Variants in ABCB9 observed in about 807,000 individuals in gnomAD.
ABCB9 encodes the protein ATP binding cassette subfamily B member 9, also known as ABC-type oligopeptide transporter ABCB9.
A neutral mutation model predicts 62.0 loss-of-function variants in ABCB9; 36 were observed. The observed-to-expected ratio is 0.58, with a 90% CI of 0.45 to 0.77. ABCB9 has a LOEUF of 0.77. Among genes scored for constraint, ABCB9 ranks in the 30% least tolerant of loss-of-function variants. The pLI is 0.00. For synonymous variants in ABCB9, 435 were observed against 461.4 expected (o/e 0.94, Z 0.73); for missense variants, 943 against 1,054.7 (o/e 0.89, Z 1.47).
Position 122,922,553 on chromosome 12 carries a change from T to C in ABCB9, c.2041-1510A>G, listed in dbSNP as rs200937278. On this transcript the variant is annotated intron_variant, in intron 11 of 11. Coordinates refer to the ABCB9 transcript ENST00000344275. ...TGCCACCACGCCCGGCTAATTTTTG[T>C]ATTTTTAGTAGAGATGGGTTTTGCC... 5.9e-5 allele frequency among the ~76,000 whole-genome samples: 9 copies of C among 152,258 alleles called. No homozygotes were observed. In the East Asian group the frequency reaches 1.7e-3, roughly 30 times the overall value.
chr12:122,967,327 C>T (rs1033715758), upstream of ABCB9, among the ~76,000 whole-genome samples: 1 of 152,230 alleles, frequency 6.6e-6, no homozygotes, highest in Non-Finnish European at 1.5e-5. Flanking sequence ...GAACATCCTA[C>T]GCTAAGGCCT....
rs544379810 is a variant in ABCB9 at position 122,930,210 on chromosome 12, C to T, written c.2041-39G>A. The T allele has an allele frequency of 2.5e-5, 37 of 1,502,002 alleles. No individual in the cohort carries two copies. Among genetic ancestry groups the T allele is most frequent in the South Asian group, 3.8e-5 (3 of 79,046 alleles). 93.0% of individuals were successfully genotyped at this position (1,502,002 alleles called of 1,614,324 possible). A position where few individuals can be genotyped will look rare whatever the true frequency, so the allele number is the denominator to read the frequency against. Reference sequence around the variant, plus strand: ...GGGGGCCTGGCTTGCATGGCACGGACGCCCCACCCGCAACCGTGCTTCATG... The same window carrying T: ...GGGGGCCTGGCTTGCATGGCACGGATGCCCCACCCGCAACCGTGCTTCATG... On this transcript the variant is annotated intron_variant, in intron 11 of 11. Transcript: ENST00000280560. This position sits in a 1 kb window ranked among gnomAD's most constrained non-coding sequence, Gnocchi z 4.9.
chr12:122,952,116 G>T lies in ABCB9; in HGVS notation c.602-1551C>A. On this transcript the variant is annotated intron_variant, in intron 2 of 11. Transcript: ENST00000280560. Reference sequence around the variant, plus strand: ...CTTGGAAGCAGAGAGTGGCCCTCACGACACCAAACCTGCTGGCACCTTGAT... The same window carrying T: ...CTTGGAAGCAGAGAGTGGCCCTCACTACACCAAACCTGCTGGCACCTTGAT... 5 of 153,288 alleles carry T rather than the reference G, an allele frequency of 3.3e-5. No individual in the cohort carries two copies. The South Asian group carries it at 9.3e-4, about 28-fold the overall frequency. The allele number at this position is 153,288 out of a possible 1,614,324, so 9.5% of individuals were successfully genotyped here. A position where few individuals can be genotyped will look rare whatever the true frequency, so the allele number is the denominator to read the frequency against.
At chr12:122,919,132 G>A (rs1242887327), downstream of ABCB9, among the ~76,000 whole-genome samples, 1 of 152,066 alleles carries the variant, frequency 6.6e-6, no homozygotes, top group Admixed American at 6.6e-5. Flanking sequence ...TTTGCAGTTT[G>A]TTTATCCATT....
rs1594040511 is a variant in ABCB9, at chr12:122,950,064, C to T, written c.717-146G>A. The T allele has an allele frequency of 7.2e-5, 79 of 1,099,230 alleles. 2 individuals carry two copies. In the South Asian group the frequency reaches 9.6e-4, roughly 13 times the overall value. The allele number at this position is 1,099,230 out of a possible 1,614,324, so 68.1% of individuals were successfully genotyped here. A position where few individuals can be genotyped will look rare whatever the true frequency, so the allele number is the denominator to read the frequency against. On this transcript the variant is annotated intron_variant, in intron 3 of 11. Transcript: ENST00000280560. The stretch of plus-strand genomic sequence containing the variant: ...CATCCCTGCGGGGTCCCCCTCATTC[C>T]CAGTGGGAGCCCCCCTCAAGGTGAG...
At chr12:122,950,646 A>G (rs574874603) in intron 2 of ABCB9, 81 bp from the exon 3 acceptor site, 2 of 1,123,934 alleles carry the variant, frequency 1.8e-6, no homozygotes, top group Admixed American at 2.1e-5. Context: ...AGAAGTCCAC[A>G]CACCAACCCC....
chr12:122,936,990 G>C (rs985716609), intron 9 of ABCB9, among the ~76,000 whole-genome samples: 13 of 152,196 alleles, frequency 8.5e-5, no homozygotes, highest in African/African-American at 3.1e-4. Context: ...CTTGAGCCCA[G>C]GAGGTCGTGG....
intron 10 of ABCB9, among the ~76,000 whole-genome samples, chr12:122,934,680 A>C (rs995254988): frequency 5.9e-5 from 9 of 151,382 alleles, no homozygotes; most frequent in Non-Finnish European, 1.3e-4. Context: ...AAATATATAA[A>C]ACTCTAAATA....
intron 2 of ABCB9, among the ~76,000 whole-genome samples, chr12:122,954,287 C>G (rs1235015935): frequency 6.6e-6 from 1 of 152,174 alleles, no homozygotes; most frequent in East Asian, 1.9e-4. Context: ...CCACTCACAG[C>G]AACCTCTGCC....
intron 2 of ABCB9, chr12:122,952,077 C>T (rs565789299): frequency 6.5e-6 from 1 of 153,172 alleles, no homozygotes; most frequent in East Asian, 1.9e-4. Context: ...GAGGACACAG[C>T]AAGGAGGGAC....
Position 122,944,915 on chromosome 12 carries a change from TG to T in ABCB9, c.1252-397del, listed in dbSNP as rs1412462085. 6.6e-6 allele frequency among the ~76,000 whole-genome samples: 1 copy of T among 152,188 alleles called. No individual in the cohort carries two copies. The highest frequency in any genetic ancestry group is 1.9e-4 in the East Asian group (1 of 5,194). On this transcript the variant is annotated intron_variant, in intron 6 of 11. Transcript: ENST00000280560. The surrounding 1 kb of genome is among the most constrained non-coding windows in gnomAD (Gnocchi z 4.9). ...GTGAGCTCTCTGTCTCCTCCCCCAG[TG>T]GGGTTCCGTGAAGAAGGGGCTGTGA...
intron 9 of ABCB9, among the ~76,000 whole-genome samples, chr12:122,935,747 T>C (rs569360070): frequency 7.2e-5 from 11 of 152,246 alleles, no homozygotes; most frequent in African/African-American, 2.2e-4. Context: ...AGGGATAGAA[T>C]ATAGAATGTT....
At chr12:122,943,457 G>C (rs543348358) in intron 7 of ABCB9, among the ~76,000 whole-genome samples, 4 of 152,170 alleles carry the variant, frequency 2.6e-5, no homozygotes, top group Admixed American at 6.6e-5. Flanking sequence ...AGTCAGGCCC[G>C]GCTGGCCCTG....
intron 11 of ABCB9, among the ~76,000 whole-genome samples, chr12:122,923,589 A>G (rs2034811599): frequency 6.6e-6 from 1 of 152,078 alleles, no homozygotes; most frequent in Admixed American, 6.6e-5. Context: ...GCGCCCAGCC[A>G]CACTGATACT....
downstream of ABCB9, among the ~76,000 whole-genome samples, chr12:122,928,803 G>T (rs2034984459): frequency 6.6e-6 from 1 of 152,136 alleles, no homozygotes; most frequent in Non-Finnish European, 1.5e-5. Context: ...GAGACAGGCA[G>T]ACAGGAATGT....
chr12:122,924,219 TG>T (rs1247149450), downstream of ABCB9, among the ~76,000 whole-genome samples: 4 of 152,206 alleles, frequency 2.6e-5, no homozygotes, highest in Admixed American at 2.6e-4. Flanking sequence ...GTTCCAGCCT[TG>T]GCCATTCTGC....
chr12:122,938,483 G>A (rs2035569637), intron 9 of ABCB9, among the ~76,000 whole-genome samples: 3 of 152,076 alleles, frequency 2.0e-5, no homozygotes, highest in African/African-American at 4.8e-5. Flanking sequence ...AGTAAGTTGT[G>A]ACTGTGCCAC....
chr12:122,960,615 C>T (rs149625300), intron 1 of ABCB9, among the ~76,000 whole-genome samples: 71 of 152,144 alleles, frequency 4.7e-4, no homozygotes, highest in Non-Finnish European at 9.1e-4. Flanking sequence ...AATGGGCTCA[C>T]GCCTGTAATC....
At chr12:122,945,712 T>C (rs966340991) in intron 6 of ABCB9, among the ~76,000 whole-genome samples, 3 of 151,844 alleles carry the variant, frequency 2.0e-5, no homozygotes, top group Non-Finnish European at 2.9e-5. Context: ...ACCCCGTCTC[T>C]ACCAAAAATA....
Sources: allele counts gnomAD v4.1 joint callset (sites outside exome capture counted in the v4.1 genomes callset), GRCh38; gene constraint gnomAD v4.1.1; non-coding constraint Gnocchi (gnomAD v3.1); transcripts MANE v1.5; gene names NCBI Gene and HGNC (gene_info 2026-07-23, HGNC 2026-07-21).